The following MICAL1 variants were observed in gnomAD, a reference collection of about 807,000 sequenced individuals.
MICAL1 encodes the protein microtubule associated monooxygenase, calponin and LIM domain containing 1.
Under a neutral mutation model 131.8 loss-of-function variants are expected in MICAL1, and 95 were observed. The observed-to-expected ratio is 0.72, with a 90% CI of 0.61 to 0.86. MICAL1 has a LOEUF of 0.86. MICAL1 is among the 40% of genes least tolerant of loss of function. MICAL1 has a pLI of 0.00. For missense variants in MICAL1, 1,292 were observed against 1,380.6 expected, an observed-to-expected ratio of 0.94 and a Z score of 1.02; for synonymous variants, 546 against 554.2, an observed-to-expected ratio of 0.99 and a Z score of 0.21.
chr6:109,461,551 G>A (rs1307550148), intron 1 of MICAL1, among the ~76,000 whole-genome samples: 1 of 152,018 alleles, frequency 6.6e-6, no homozygotes, highest in Admixed American at 6.6e-5. Flanking sequence ...GCCAGCCTGG[G>A]CAATATAGTG....
intron 3 of MICAL1, 59 bp downstream of exon 3, chr6:109,453,579 A>C (rs934767208): frequency 9.8e-6 from 15 of 1,537,572 alleles, no homozygotes; most frequent in Admixed American, 3.9e-5. Flanking sequence ...GCATTTCCCC[A>C]CTGGCCTGCC....
chr6:109,453,479 C>G, intron 3 of MICAL1, 112 bp from the exon 4 acceptor site: 1 of 1,497,898 alleles, frequency 6.7e-7, no homozygotes, highest in Non-Finnish European at 9.0e-7. Flanking sequence ...AATCACTCAG[C>G]CCAAAAGCCC....
intron 11 of MICAL1, 104 bp downstream of exon 11, chr6:109,449,296 G>T: frequency 2.4e-6 from 3 of 1,250,732 alleles, no homozygotes; most frequent in Non-Finnish European, 3.5e-6. Context: ...GAGTGCTCCG[G>T]CACGCTGCTC....
chr6:109,454,181 AG>A lies in MICAL1; in HGVS notation c.15del (p.Ser6ProfsTer22), dbSNP rs771175329. MASPTSTNPAHAHFE... is the reference protein window; with the variant it reads MASPXSTNPAHAHFE... ...AAGTGGGCATGCGCTGGGTTGGTGG[AG>A]GTAGGTGAAGCCATGGAGGCCTCCT... On this transcript the variant is annotated frameshift_variant, in exon 2 of 25. Transcript: ENST00000358807. LOFTEE classifies it high-confidence loss of function. 1 of 1,602,300 alleles carries A rather than the reference AG, an allele frequency of 6.2e-7. No homozygotes were observed. Among genetic ancestry groups the A allele is most frequent in the Admixed American group, 1.7e-5 (1 of 58,156 alleles).
rs761496064 is a variant in MICAL1 at position 109,446,398 on chromosome 6, T to TG, written c.2318dup (p.Ser774LysfsTer2). 234 of 1,338,006 alleles carry TG rather than the reference T, an allele frequency of 1.7e-4. No homozygotes were observed. The highest frequency in any genetic ancestry group is 2.2e-4 in the Non-Finnish European group (224 of 1,007,748). 82.9% of individuals were successfully genotyped at this position (1,338,006 alleles called of 1,614,324 possible). A position where few individuals can be genotyped will look rare whatever the true frequency, so the allele number is the denominator to read the frequency against. ...GGCCTGGTGGCATGCTATTCTCACT[T>TG]GGTGTGGGGAGCTCCTGGAAAAGCC... On this transcript the variant is annotated frameshift_variant, in exon 19 of 25. Transcript: ENST00000358807. LOFTEE classifies it high-confidence loss of function.
At chr6:109,453,429 G>T in intron 3 of MICAL1, 62 bp from the exon 4 acceptor site, 1 of 1,567,366 alleles carries the variant, frequency 6.4e-7, no homozygotes, top group Admixed American at 1.7e-5. Flanking sequence ...CCATGTACCA[G>T]TGTGTGCCTG....
At chr6:109,446,992 G>T in intron 17 of MICAL1, 81 bp downstream of exon 17, 1 of 1,530,576 alleles carries the variant, frequency 6.5e-7, no homozygotes, top group Non-Finnish European at 8.9e-7. Flanking sequence ...TTTCCATCCT[G>T]TGCCTCTCTA....
chr6:109,445,362 T>C (rs1395088814), intron 21 of MICAL1, 54 bp downstream of exon 21: 1 of 1,612,762 alleles, frequency 6.2e-7, no homozygotes, highest in Non-Finnish European at 8.5e-7. Context: ...GGAACTCTGA[T>C]CTCAGTCTCA....
chr6:109,452,211 AG>A (rs774298779), intron 6 of MICAL1, 34 bp downstream of exon 6: 1 of 1,591,594 alleles, frequency 6.3e-7, no homozygotes, highest in Non-Finnish European at 8.6e-7. Context: ...ACAGTCAGGC[AG>A]GGGGAGGGGA....
At chr6:109,454,582 G>A (rs758983558) in intron 1 of MICAL1, 3 of 301,116 alleles carry the variant, frequency 1.0e-5, no homozygotes, top group South Asian at 3.8e-5. Context: ...TTGGAATCAG[G>A]GTGTGCGGGG....
At position 109,444,643 on chromosome 6, in the gene MICAL1, G is replaced by A. The variant is rs912655712; in HGVS notation, c.3055+82C>T. 4.7e-6 allele frequency: 7 copies of A among 1,498,234 alleles called. No homozygotes were observed. The African/African-American group carries it at 8.2e-5, about 18-fold the overall frequency. 92.8% of individuals were successfully genotyped at this position (1,498,234 alleles called of 1,614,324 possible). ...AGAGGTACACAGACTAGAGCATCAT[G>A]TTGCTTGGTCAGTATCTGAGATCAT... On this transcript the variant is annotated intron_variant, in intron 24 of 24. Transcript: ENST00000358807.
chr6:109,448,570 G>T, intron 12 of MICAL1, 162 bp downstream of exon 12: 2 of 1,289,748 alleles, frequency 1.6e-6, no homozygotes, highest in Non-Finnish European at 2.2e-6. Context: ...TCCTGGCTTT[G>T]GGGGCCTGTG....
Position 109,447,081 on chromosome 6 carries a change from G to A in MICAL1, c.2219C>T (p.Pro740Leu). The change falls in exon 17 of 25, where the codon CCA becomes CTA. Residue 740 changes from proline to leucine, a missense_variant. Pro to Leu is a moderately conservative substitution (Grantham distance 98, BLOSUM62 -3). Transcript: ENST00000358807. ...CTCCCAGGCCCACTCACCATCTCCT[G>A]GGTGCTGCTCGTAGCCACCTGGCCA... Reference protein sequence around the residue: ...TLWPGGYEQHPGDGHFYCLQH... With the variant: ...TLWPGGYEQHLGDGHFYCLQH... 6.2e-7 allele frequency: 1 copy of A among 1,613,972 alleles called. No homozygotes were observed. Among genetic ancestry groups the A allele is most frequent in the Non-Finnish European group, 8.5e-7 (1 of 1,179,964 alleles).
rs1017607137 is a variant in MICAL1, at chr6:109,447,966, G to A, written c.1856-3C>T. 26 of 1,602,770 alleles carry A rather than the reference G, an allele frequency of 1.6e-5. No individual in the cohort carries two copies. Among genetic ancestry groups the A allele is most frequent in the Non-Finnish European group, 2.1e-5 (25 of 1,174,456 alleles). ...TGGGGAGGCCTGGCTGACAGGGCCT[G>A]CGGGGAGAGCCAGGGCATCAGTGTG... is the stretch of plus-strand genomic sequence containing the variant. On this transcript the variant is annotated splice_polypyrimidine_tract_variant and splice_region_variant and intron_variant, in intron 13 of 24. Transcript: ENST00000358807.
At position 109,448,217 on chromosome 6, in the gene MICAL1, A is replaced by G. The variant is rs1197233077; in HGVS notation, c.1841T>C (p.Met614Thr). ...LSHFHSAFKS[M>T]AHSPGPVSQA... ...CTTCAGGTCACCTGGGCTGTGGGCCATGCTCTTGAAGGCACTGTGGAAGTG... is the reference window on the plus strand; with the variant it reads ...CTTCAGGTCACCTGGGCTGTGGGCCGTGCTCTTGAAGGCACTGTGGAAGTG... The change falls in exon 13 of 25, where the codon ATG becomes ACG. Residue 614 changes from methionine to threonine, a missense_variant. Coordinates refer to ENST00000358807, the MANE Select transcript of MICAL1 (RefSeq NM_022765.4). The G allele has an allele frequency of 1.9e-6, 3 of 1,612,026 alleles. No homozygotes were observed. Among genetic ancestry groups the G allele is most frequent in the African/African-American group, 1.3e-5 (1 of 74,668 alleles).
upstream of MICAL1, chr6:109,455,908 C>T: frequency 6.1e-6 from 6 of 985,488 alleles, no homozygotes; most frequent in Non-Finnish European, 7.2e-6. The surrounding 1 kb of genome is among the most constrained non-coding windows in gnomAD (Gnocchi z 4.7). Flanking sequence ...CGCGGGGCGC[C>T]GCCCGGGCTT....
chr6:109,465,445 C>T (rs1776010299), intron 1 of MICAL1: 2 of 585,096 alleles, frequency 3.4e-6, no homozygotes, highest in Non-Finnish European at 6.0e-6. Context: ...ACAAACCATT[C>T]TGCCCAGTTC....
chr6:109,451,504 C>T (rs1009939134), intron 7 of MICAL1, 96 bp downstream of exon 7: 42 of 1,458,878 alleles, frequency 2.9e-5, no homozygotes, highest in South Asian at 2.0e-4. Context: ...CAGGAGAGGA[C>T]GGGGTCCCCA....
chr6:109,447,824 C>T, intron 14 of MICAL1, 51 bp downstream of exon 14: 2 of 1,609,246 alleles, frequency 1.2e-6, no homozygotes, highest in Non-Finnish European at 1.7e-6. Flanking sequence ...CACTGGGTAC[C>T]CCCCTGCCCA....
Sources: gnomAD v4.1 joint callset for allele counts (sites outside exome capture counted in the v4.1 genomes callset) on GRCh38, gnomAD v4.1.1 for gene constraint, Gnocchi (gnomAD v3.1) non-coding constraint, MANE v1.5 for transcripts, NCBI Gene and HGNC (gene_info 2026-07-23, HGNC 2026-07-21) for gene names.